The following RAB6B variants were observed in gnomAD, a reference collection of about 807,000 sequenced individuals.
RAB6B encodes ras-related protein Rab-6B.
In RAB6B, 7 loss-of-function variants were observed where a neutral mutation model predicts 31.2. That is an observed-to-expected ratio of 0.22 (90% CI 0.13 to 0.42). The LOEUF is 0.42. RAB6B is among the 10% of genes least tolerant of loss of function. The probability of loss-of-function intolerance (pLI) is 1.00; values close to 1 mark genes in which losing one functional copy is unlikely to be tolerated. For missense variants in RAB6B, 149 were observed against 280.6 expected, an observed-to-expected ratio of 0.53 and a Z score of 3.35; for synonymous variants, 105 against 104.9, an observed-to-expected ratio of 1.00 and a Z score of -0.01.
intron 2 of RAB6B, among the ~76,000 whole-genome samples, chr3:133,852,247 C>T (rs953070452): frequency 5.3e-5 from 8 of 152,164 alleles, no homozygotes; most frequent in African/African-American, 1.9e-4. Context: ...TCAGAGACCA[C>T]GGGCCTAGGC....
At chr3:133,837,375 G>A (rs1935752358) in intron 6 of RAB6B, among the ~76,000 whole-genome samples, 1 of 152,222 alleles carries the variant, frequency 6.6e-6, no homozygotes, top group South Asian at 2.1e-4. Flanking sequence ...CTAATAAGTA[G>A]TGTGATGCTG....
chr3:133,829,503 C>T (rs140474431), intron 7 of RAB6B, among the ~76,000 whole-genome samples: 169 of 152,292 alleles, frequency 1.1e-3, no homozygotes, highest in African/African-American at 3.8e-3. Flanking sequence ...CCTTCCTCAT[C>T]GGGCTCAAAA....
rs948882079 is a variant in RAB6B, at chr3:133,895,748, C to T, written c.-282G>A. 4.6e-6 allele frequency: 2 copies of T among 437,332 alleles called. No individual in the cohort carries two copies. The highest frequency in any genetic ancestry group is 9.5e-5 in the South Asian group (2 of 20,976). 27.1% of individuals were successfully genotyped at this position (437,332 alleles called of 1,614,324 possible). ...GGTGCGAGGGGCGCGCTCTTTACGCCCGAGGCGCGGCGCTGGGAGAGAGGC... is the reference window on the plus strand; with the variant it reads ...GGTGCGAGGGGCGCGCTCTTTACGCTCGAGGCGCGGCGCTGGGAGAGAGGC... On this transcript the variant is annotated 5_prime_UTR_variant, in exon 1 of 8. Coordinates refer to ENST00000285208, the MANE Select transcript of RAB6B (RefSeq NM_016577.4).
intron 1 of RAB6B, among the ~76,000 whole-genome samples, chr3:133,875,748 A>C (rs549324575): frequency 6.6e-6 from 1 of 152,302 alleles, no homozygotes; most frequent in South Asian, 2.1e-4. Flanking sequence ...CACTAGGGAC[A>C]ATCCATTTCC....
At chr3:133,834,514 T>C (rs1409248956) in intron 7 of RAB6B, 61 bp downstream of exon 7, 7 of 1,521,856 alleles carry the variant, frequency 4.6e-6, no homozygotes, top group Non-Finnish European at 6.4e-6. Flanking sequence ...TGCACTAACA[T>C]ATTCAGTGAA....
intron 1 of RAB6B, among the ~76,000 whole-genome samples, chr3:133,894,981 G>C (rs1936686699): frequency 1.3e-5 from 2 of 152,172 alleles, no homozygotes; most frequent in Admixed American, 1.3e-4. Context: ...CGTTCTCCAA[G>C]GGGGGCGCCC....
At chr3:133,848,204 C>T (rs1322131723) in intron 2 of RAB6B, among the ~76,000 whole-genome samples, 4 of 152,242 alleles carry the variant, frequency 2.6e-5, no homozygotes, top group Non-Finnish European at 5.9e-5. Flanking sequence ...ACCATCCAGG[C>T]GCCCACGCCT....
At chr3:133,841,010 T>C (rs1481243422) in intron 4 of RAB6B, among the ~76,000 whole-genome samples, 1 of 152,042 alleles carries the variant, frequency 6.6e-6, no homozygotes, top group Non-Finnish European at 1.5e-5. Flanking sequence ...GAGCATCTGC[T>C]CACACCACAA....
In RAB6B at chr3:133,840,731, C is replaced by T. The variant is rs183749616; in HGVS notation, c.289+554G>A. 2.6e-5 allele frequency among the ~76,000 whole-genome samples: 4 copies of T among 151,898 alleles called. No individual in the cohort carries two copies. The East Asian group carries it at 7.8e-4, about 30-fold the overall frequency. ...CCCCACCCCCACCTCTGGCCCTGTG[C>T]GCCCTTGAGGCTGTGCAGTCCTGTT... On this transcript the variant is annotated intron_variant, in intron 4 of 7. Transcript: ENST00000285208.
chr3:133,888,018 A>G (rs1936575332), intron 1 of RAB6B, among the ~76,000 whole-genome samples: 1 of 152,140 alleles, frequency 6.6e-6, no homozygotes, highest in Admixed American at 6.5e-5. Flanking sequence ...AGGGCCCCGC[A>G]GGTTCCTCTT....
At chr3:133,880,535 G>A (rs1936452933) in intron 1 of RAB6B, among the ~76,000 whole-genome samples, 1 of 152,228 alleles carries the variant, frequency 6.6e-6, no homozygotes, top group Non-Finnish European at 1.5e-5. Context: ...CATCCCGGAT[G>A]CCTGCCCCCT....
intron 2 of RAB6B, among the ~76,000 whole-genome samples, chr3:133,843,410 T>C (rs1935865171): frequency 6.6e-6 from 1 of 152,236 alleles, no homozygotes; most frequent in African/African-American, 2.4e-5. Flanking sequence ...GCAGACTTTT[T>C]CCTTCACAGG....
At chr3:133,841,685 C>T (rs777885733) in intron 2 of RAB6B, 22 bp from the exon 3 acceptor site, 39 of 1,612,852 alleles carry the variant, frequency 2.4e-5, no homozygotes, top group Admixed American at 1.5e-4. Context: ...AAGCACAGAA[C>T]GGTCAAAATC....
chr3:133,862,887 G>C (rs929722105), intron 2 of RAB6B, among the ~76,000 whole-genome samples: 16 of 152,100 alleles, frequency 1.1e-4, no homozygotes, highest in African/African-American at 3.9e-4. Context: ...CTAACAAGAA[G>C]CATTATATGT....
intron 1 of RAB6B, among the ~76,000 whole-genome samples, chr3:133,878,993 A>G (rs1936432118): frequency 1.3e-5 from 2 of 152,192 alleles, no homozygotes; most frequent in African/African-American, 4.8e-5. Context: ...CATGTGCACT[A>G]AAGTCTGACC....
At chr3:133,889,976 C>G (rs1057353607) in intron 1 of RAB6B, among the ~76,000 whole-genome samples, 1 of 152,170 alleles carries the variant, frequency 6.6e-6, no homozygotes, top group Non-Finnish European at 1.5e-5. Context: ...CTGTCTGACT[C>G]TCTCACTCAC....
chr3:133,877,816 G>A (rs2715618), intron 1 of RAB6B, among the ~76,000 whole-genome samples: 26 of 148,194 alleles, frequency 1.8e-4, no homozygotes, highest in African/African-American at 4.7e-4. Context: ...TATACTATAT[G>A]TTAGTATAAT....
At chr3:133,848,388 T>C (rs1248610867) in intron 2 of RAB6B, among the ~76,000 whole-genome samples, 1 of 152,238 alleles carries the variant, frequency 6.6e-6, no homozygotes, top group Non-Finnish European at 1.5e-5. Context: ...TTTACCTAAA[T>C]AACACCAACA....
chr3:133,884,064 C>CAG (rs1936504912), intron 1 of RAB6B, among the ~76,000 whole-genome samples: 1 of 148,538 alleles, frequency 6.7e-6, no homozygotes, highest in African/African-American at 2.6e-5. Context: ...ACCCTGAACT[C>CAG]ACAACCTGGC....
Sources: allele counts gnomAD v4.1 joint callset (sites outside exome capture counted in the v4.1 genomes callset), GRCh38; gene constraint gnomAD v4.1.1; transcripts MANE v1.5; gene names NCBI Gene and HGNC (gene_info 2026-07-23, HGNC 2026-07-21).